The following ARHGAP15 variants were observed in gnomAD, a reference collection of about 807,000 sequenced individuals.
ARHGAP15 encodes the protein rho GTPase-activating protein 15.
Under a neutral mutation model 63.7 loss-of-function variants are expected in ARHGAP15, and 51 were observed. The ratio of observed to expected loss-of-function variants is 0.80; its 90% CI spans 0.64 to 1.01. ARHGAP15 has a LOEUF of 1.01. Among genes scored for constraint, ARHGAP15 ranks in the 50% least tolerant of loss-of-function variants. ARHGAP15 has a pLI of 0.00. For missense variants in ARHGAP15, 560 were observed against 564.6 expected (o/e 0.99, Z 0.08); for synonymous variants, 191 against 193.8 (o/e 0.99, Z 0.12).
chr2:143,556,581 T>C (rs1009290929), intron 11 of ARHGAP15, 96 bp downstream of exon 11: 1 of 836,818 alleles, frequency 1.2e-6, no homozygotes, highest in Non-Finnish European at 1.8e-6. Flanking sequence ...ATAATAAAAC[T>C]TTAACAGGAG....
intron 12 of ARHGAP15, among the ~76,000 whole-genome samples, chr2:143,669,775 G>T (rs991207580): frequency 6.6e-5 from 10 of 152,180 alleles, no homozygotes; most frequent in Admixed American, 1.3e-4. Context: ...TTGCCTCAGG[G>T]TATTCTGCTA....
At chr2:143,645,350 A>G (rs1305132378) in intron 12 of ARHGAP15, among the ~76,000 whole-genome samples, 1 of 152,098 alleles carries the variant, frequency 6.6e-6, no homozygotes, top group East Asian at 1.9e-4. Context: ...GATTGTAGCA[A>G]TTAATCAACT....
chr2:143,470,942 A>G (rs142867415), intron 8 of ARHGAP15, among the ~76,000 whole-genome samples: 36 of 142,364 alleles, frequency 2.5e-4, no homozygotes, highest in African/African-American at 8.2e-4. Flanking sequence ...ATATGTGTGT[A>G]TATACACACA....
intron 6 of ARHGAP15, among the ~76,000 whole-genome samples, chr2:143,314,215 A>G (rs950018727): frequency 2.0e-5 from 3 of 152,218 alleles, no homozygotes; most frequent in Non-Finnish European, 4.4e-5. Flanking sequence ...CTGCTAAGGA[A>G]GAAACCAATC....
At chr2:143,314,269 T>G (rs928906754) in intron 6 of ARHGAP15, among the ~76,000 whole-genome samples, 1 of 152,204 alleles carries the variant, frequency 6.6e-6, no homozygotes, top group Middle Eastern at 3.2e-3. Flanking sequence ...TTATTTTTAA[T>G]TAAAAAATTA....
chr2:143,761,000 T>C (rs1405739134), intron 13 of ARHGAP15, among the ~76,000 whole-genome samples: 1 of 152,138 alleles, frequency 6.6e-6, no homozygotes, highest in Non-Finnish European at 1.5e-5. Flanking sequence ...CCCCTGCTTT[T>C]CCAATACTTG....
chr2:143,413,969 G>A (rs1385863959), intron 6 of ARHGAP15, among the ~76,000 whole-genome samples: 1 of 150,610 alleles, frequency 6.6e-6, no homozygotes, highest in Non-Finnish European at 1.5e-5. Flanking sequence ...GTGTGTGTGC[G>A]CGCTCTCTGG....
chr2:143,693,968 A>T (rs1683728670), intron 12 of ARHGAP15, among the ~76,000 whole-genome samples: 1 of 152,226 alleles, frequency 6.6e-6, no homozygotes, highest in South Asian at 2.1e-4. Flanking sequence ...GGTCAAGAAC[A>T]GAGAAAGTCT....
intron 2 of ARHGAP15, among the ~76,000 whole-genome samples, chr2:143,174,494 T>A (rs924138943): frequency 5.3e-5 from 8 of 152,052 alleles, no homozygotes; most frequent in Non-Finnish European, 1.0e-4. Context: ...TTCAGAAAAA[T>A]TTTCTCCTTT....
intron 13 of ARHGAP15, among the ~76,000 whole-genome samples, chr2:143,721,343 A>G (rs1383744044): frequency 6.6e-6 from 1 of 152,230 alleles, no homozygotes; most frequent in African/African-American, 2.4e-5. Flanking sequence ...AAGCAGAAAC[A>G]TGGAGTGTCC....
chr2:143,200,870 AC>A, intron 2 of ARHGAP15, among the ~76,000 whole-genome samples: 1 of 152,226 alleles, frequency 6.6e-6, no homozygotes, highest in South Asian at 2.1e-4. Flanking sequence ...AGCTGAGCTC[AC>A]ATCATCAACA....
chr2:143,579,532 T>G (rs1018583670), intron 11 of ARHGAP15, among the ~76,000 whole-genome samples: 3 of 152,166 alleles, frequency 2.0e-5, no homozygotes, highest in African/African-American at 7.2e-5. Flanking sequence ...ATATCAATTG[T>G]GCCCTTCATT....
At chr2:143,205,339 C>G (rs1454773061) in intron 3 of ARHGAP15, among the ~76,000 whole-genome samples, 1 of 151,614 alleles carries the variant, frequency 6.6e-6, no homozygotes, top group Non-Finnish European at 1.5e-5. Context: ...ACTTCTGTTA[C>G]CTTAATTTAC....
At chr2:143,379,666 T>C (rs1030624058) in intron 6 of ARHGAP15, among the ~76,000 whole-genome samples, 2 of 151,874 alleles carry the variant, frequency 1.3e-5, no homozygotes, top group Non-Finnish European at 2.9e-5. Context: ...TTGTCAACTA[T>C]AGAGAAAAGT....
intron 6 of ARHGAP15, among the ~76,000 whole-genome samples, chr2:143,282,288 A>C (rs1258099760): frequency 1.3e-5 from 2 of 152,090 alleles, no homozygotes; most frequent in African/African-American, 4.8e-5. Context: ...ATTGTATAAC[A>C]TCATTATTGG....
chr2:143,426,667 T>C (rs1689149449), intron 6 of ARHGAP15, among the ~76,000 whole-genome samples: 1 of 152,058 alleles, frequency 6.6e-6, no homozygotes, highest in South Asian at 2.1e-4. Flanking sequence ...CCAGCTAGAG[T>C]CATCCAGCTT....
intron 6 of ARHGAP15, among the ~76,000 whole-genome samples, chr2:143,427,577 C>T (rs1689189297): frequency 6.6e-6 from 1 of 151,778 alleles, no homozygotes; most frequent in Admixed American, 6.6e-5. Context: ...TAGATGATCC[C>T]TGTAAAATAC....
chr2:143,432,336 AGAGT>A (rs769209525), intron 6 of ARHGAP15, among the ~76,000 whole-genome samples: 1 of 151,962 alleles, frequency 6.6e-6, no homozygotes, highest in Non-Finnish European at 1.5e-5. Context: ...AATATTGATG[AGAGT>A]GTTACTTAAT....
At chr2:143,474,310 C>G (rs1243076959) in intron 8 of ARHGAP15, among the ~76,000 whole-genome samples, 1 of 152,138 alleles carries the variant, frequency 6.6e-6, no homozygotes, top group African/African-American at 2.4e-5. Flanking sequence ...AATCACCCCC[C>G]ACCCTTGAGG....
Sources: allele counts gnomAD v4.1 joint callset (sites outside exome capture counted in the v4.1 genomes callset), GRCh38; gene constraint gnomAD v4.1.1; transcripts MANE v1.5; gene names NCBI Gene and HGNC (gene_info 2026-07-23, HGNC 2026-07-21).